The following WDR70 variants were observed in gnomAD, a reference collection of about 807,000 sequenced individuals.
The protein encoded by WDR70 is WD repeat-containing protein 70.
Under a neutral mutation model 88.6 loss-of-function variants are expected in WDR70, and 53 were observed. That is an observed-to-expected ratio of 0.60 (90% confidence interval 0.48 to 0.75). The LOEUF (loss-of-function observed/expected upper bound fraction) is 0.75, where lower values mean the gene tolerates loss of function less well. Ranked by LOEUF, WDR70 falls within the 30% of genes least tolerant of loss-of-function variation. The pLI is 0.00. For missense variants in WDR70, 610 were observed against 823.2 expected (o/e 0.74, Z 3.17); for synonymous variants, 280 against 270.0 (o/e 1.04, Z -0.36).
intron 10 of WDR70, among the ~76,000 whole-genome samples, chr5:37,612,556 G>A (rs956857986): frequency 3.3e-5 from 5 of 152,106 alleles, no homozygotes; most frequent in African/African-American, 1.2e-4. Context: ...AATAACTGCT[G>A]GTCTTCGTCT....
At chr5:37,618,974 T>G (rs1027095747) in intron 10 of WDR70, among the ~76,000 whole-genome samples, 1 of 152,180 alleles carries the variant, frequency 6.6e-6, no homozygotes, top group Admixed American at 6.5e-5. Context: ...AGCTAACAAA[T>G]GGATAATGTA....
chr5:37,393,670 C>A lies in WDR70; in HGVS notation c.296+1550C>A, dbSNP rs561627759. On this transcript the variant is annotated intron_variant, in intron 4 of 17. Coordinates refer to ENST00000265107, the MANE Select transcript of WDR70 (RefSeq NM_018034.4). Reference sequence around the variant, plus strand: ...TGTATTTGTACAATTTCCAAGGTTCCTCTTGTTATTGATTTTTTAATTTTT... The same window carrying A: ...TGTATTTGTACAATTTCCAAGGTTCATCTTGTTATTGATTTTTTAATTTTT... 2.0e-5 allele frequency among the ~76,000 whole-genome samples: 3 copies of A among 151,822 alleles called. No individual in the cohort carries two copies. The East Asian group carries it at 5.8e-4, about 29-fold the overall frequency.
intron 4 of WDR70, among the ~76,000 whole-genome samples, chr5:37,394,188 C>G (rs1748937054): frequency 6.6e-6 from 1 of 151,460 alleles, no homozygotes; most frequent in East Asian, 1.9e-4. Context: ...GCCTGTAATT[C>G]CAGCTACTTG....
In WDR70 at chr5:37,699,427, T is replaced by A. The variant is rs531431954; in HGVS notation, c.1193-1631T>A. 5.5e-3 allele frequency among the ~76,000 whole-genome samples: 551 copies of A among 99,992 alleles called. 3 individuals carry two copies. Among genetic ancestry groups the A allele is most frequent in the Non-Finnish European group, 0.01 (449 of 43,070 alleles). 65.6% of individuals were successfully genotyped at this position (99,992 alleles called of 152,430 possible). A position where few individuals can be genotyped will look rare whatever the true frequency, so the allele number is the denominator to read the frequency against. ...TACACACACACACACACACACACAC[T>A]AGCTTTTGGATAACTTAATTGGTCA... On this transcript the variant is annotated intron_variant, in intron 11 of 17. Coordinates refer to ENST00000265107, the MANE Select transcript of WDR70 (RefSeq NM_018034.4).
At chr5:37,564,557 TG>T (rs1362499231) in intron 9 of WDR70, among the ~76,000 whole-genome samples, 1 of 68,686 alleles carries the variant, frequency 1.5e-5, no homozygotes, top group Non-Finnish European at 4.7e-5. Context: ...AGGGAGACCG[TG>T]GGGAGAGGGA....
At chr5:37,730,018 G>T (rs1748098854) in intron 17 of WDR70, among the ~76,000 whole-genome samples, 1 of 152,056 alleles carries the variant, frequency 6.6e-6, no homozygotes, top group Non-Finnish European at 1.5e-5. Context: ...CTATGTGAAG[G>T]GTAGCATAAT....
intron 10 of WDR70, among the ~76,000 whole-genome samples, chr5:37,623,583 A>G (rs756167810): frequency 1.3e-5 from 2 of 152,152 alleles, no homozygotes; most frequent in Non-Finnish European, 2.9e-5. Flanking sequence ...CTTTTATACT[A>G]TTTCATAGAG....
At chr5:37,449,787 T>C (rs1738612837) in intron 7 of WDR70, among the ~76,000 whole-genome samples, 2 of 152,092 alleles carry the variant, frequency 1.3e-5, no homozygotes, top group South Asian at 2.1e-4. Context: ...CTGGGATACA[T>C]GTGCAGAACG....
chr5:37,664,362 T>C (rs1473203252), intron 10 of WDR70, among the ~76,000 whole-genome samples: 1 of 152,220 alleles, frequency 6.6e-6, no homozygotes, highest in East Asian at 1.9e-4. Context: ...TTTTATCTGC[T>C]CCTGGTCTGT....
intron 7 of WDR70, among the ~76,000 whole-genome samples, chr5:37,469,939 C>T (rs530229018): frequency 6.6e-6 from 1 of 152,038 alleles, no homozygotes; most frequent in South Asian, 2.1e-4. Context: ...ATTTATGTTT[C>T]CTATATTTGT....
intron 10 of WDR70, among the ~76,000 whole-genome samples, chr5:37,670,200 TATATC>T (rs1231447529): frequency 3.4e-5 from 5 of 147,790 alleles, no homozygotes; most frequent in East Asian, 2.0e-4. Flanking sequence ...ATAAAAATCT[TATATC>T]AAAAGAAAAG....
intron 7 of WDR70, 193 bp from the exon 8 acceptor site, chr5:37,479,641 G>T: frequency 1.8e-6 from 1 of 556,492 alleles, no homozygotes; most frequent in Non-Finnish European, 3.1e-6. Context: ...AAAGTATTGG[G>T]ATTATAGGCA....
Position 37,697,771 on chromosome 5 carries a change from C to T in WDR70, c.1192+17C>T, listed in dbSNP as rs1166133913. On this transcript the variant is annotated intron_variant, in intron 11 of 17. Transcript: ENST00000265107. ...CTCGTGGAGGTAGGTTAAAAGCTTT[C>T]TTTTTGATGTATTTCTCTATATAAA... 1 of 1,575,800 alleles carries T rather than the reference C, an allele frequency of 6.3e-7. No individual in the cohort carries two copies. Among genetic ancestry groups the T allele is most frequent in the Admixed American group, 1.7e-5 (1 of 59,800 alleles).
At chr5:37,656,005 G>A (rs1705532759) in intron 10 of WDR70, among the ~76,000 whole-genome samples, 1 of 151,844 alleles carries the variant, frequency 6.6e-6, no homozygotes, top group African/African-American at 2.4e-5. Flanking sequence ...TGATCCTTTA[G>A]AAGAGAAGAG....
chr5:37,397,747 C>T (rs1749062842), intron 5 of WDR70, among the ~76,000 whole-genome samples: 1 of 152,166 alleles, frequency 6.6e-6, no homozygotes, highest in Non-Finnish European at 1.5e-5. Flanking sequence ...GTAATCCCAG[C>T]ACTTTGGGAG....
intron 5 of WDR70, among the ~76,000 whole-genome samples, chr5:37,405,220 G>A (rs1749317197): frequency 6.6e-6 from 1 of 152,108 alleles, no homozygotes; most frequent in Non-Finnish European, 1.5e-5. Flanking sequence ...AGTAGCACTA[G>A]GAAAGGATGT....
At chr5:37,716,457 G>A (rs982038120) in intron 13 of WDR70, among the ~76,000 whole-genome samples, 3 of 152,160 alleles carry the variant, frequency 2.0e-5, no homozygotes, top group Admixed American at 2.0e-4. Flanking sequence ...ATGATTAAAT[G>A]TCAGCTACCT....
intron 8 of WDR70, among the ~76,000 whole-genome samples, chr5:37,493,862 A>T (rs1740140240): frequency 6.8e-6 from 1 of 146,192 alleles, no homozygotes; most frequent in South Asian, 2.1e-4. Context: ...ATGGAGTCTC[A>T]CTCTGTCGCG....
chr5:37,665,562 AGT>A (rs2112583115), intron 10 of WDR70, among the ~76,000 whole-genome samples: 1 of 152,350 alleles, frequency 6.6e-6, no homozygotes, highest in East Asian at 1.9e-4. Context: ...AACCCCCAAA[AGT>A]CTCTAAGAAG....
Sources: gnomAD v4.1 joint callset for allele counts (sites outside exome capture counted in the v4.1 genomes callset) on GRCh38, gnomAD v4.1.1 for gene constraint, MANE v1.5 for transcripts, NCBI Gene and HGNC (gene_info 2026-07-23, HGNC 2026-07-21) for gene names.